SPNS3: variants seen among roughly 807,000 people sequenced by gnomAD.
The protein encoded by SPNS3 is protein spinster homolog 3.
A neutral mutation model predicts 54.4 loss-of-function variants in SPNS3; 51 were observed. That is an observed-to-expected ratio of 0.94 (90% CI 0.75 to 1.18). The LOEUF is 1.18. Ranked by LOEUF, SPNS3 falls within the 50% of genes most tolerant of loss-of-function variation. SPNS3 has a pLI of 0.00. For synonymous variants in SPNS3, 309 were observed against 294.7 expected, an observed-to-expected ratio of 1.05 and a Z score of -0.50; for missense variants, 669 against 677.4, an observed-to-expected ratio of 0.99 and a Z score of 0.14.
chr17:4,439,780 C>G, intron 2 of SPNS3, 57 bp downstream of exon 2: 2 of 1,507,470 alleles, frequency 1.3e-6, no homozygotes, highest in Non-Finnish European at 1.8e-6. Flanking sequence ...GGGGTGGGCT[C>G]TTTCTGTGGG....
chr17:4,448,327 C>T (rs751771660), intron 6 of SPNS3, 24 bp downstream of exon 6: 2 of 1,509,086 alleles, frequency 1.3e-6, no homozygotes, highest in Non-Finnish European at 1.8e-6. Flanking sequence ...CTACCCCCTG[C>T]AAGGCACAGA....
chr17:4,469,287 A>G (rs1023650128), intron 8 of SPNS3, among the ~76,000 whole-genome samples: 3 of 151,694 alleles, frequency 2.0e-5, no homozygotes, highest in Middle Eastern at 6.8e-3. Flanking sequence ...GGGTTTCACT[A>G]TGTTACCCAG....
At position 4,486,468 on chromosome 17, in the gene SPNS3, C is replaced by G; in HGVS notation, c.1335C>G (p.Ser445Arg). The change falls in exon 11 of 12, where the codon AGC becomes AGG. Residue 445 changes from serine to arginine, a missense_variant. Transcript: ENST00000355530. This position sits in a 1 kb window ranked among gnomAD's most constrained non-coding sequence, Gnocchi z 5.5. ...ACTCCTATCTGCAGCGCTTCCGCAG[C>G]CTGCAGCAGAGCTTCCTGTGCTGCG... Reference protein sequence around the residue: ...RPDSYLQRFRSLQQSFLCCAF... With the variant: ...RPDSYLQRFRRLQQSFLCCAF... 1 of 1,613,340 alleles carries G rather than the reference C, an allele frequency of 6.2e-7. No homozygotes were observed.
In SPNS3 at chr17:4,486,806, C is replaced by T. The variant is rs1352965413; in HGVS notation, c.1450+223C>T. Among the ~76,000 whole-genome samples the T allele has an allele frequency of 6.6e-6, 1 of 152,048 alleles. No homozygotes were observed. Among genetic ancestry groups the T allele is most frequent in the Non-Finnish European group, 1.5e-5 (1 of 68,014 alleles). ...TGACACTGTAGTTGGTGAAGACAGA[C>T]CAGAAACAGAAAAGGTTAAAGATAT... On this transcript the variant is annotated intron_variant, in intron 11 of 11. Transcript: ENST00000355530. The surrounding 1 kb of genome is among the most constrained non-coding windows in gnomAD (Gnocchi z 5.5).
chr17:4,461,314 A>G (rs1024543970), intron 8 of SPNS3, among the ~76,000 whole-genome samples: 8 of 103,320 alleles, frequency 7.7e-5, no homozygotes, highest in African/African-American at 1.4e-4. Context: ...GGTTTCATCA[A>G]TTTTTCTCAA....
At chr17:4,481,139 G>A (rs1242763541) in intron 9 of SPNS3, among the ~76,000 whole-genome samples, 1 of 152,004 alleles carries the variant, frequency 6.6e-6, no homozygotes, top group Non-Finnish European at 1.5e-5. Flanking sequence ...AGCTGGAGTT[G>A]GCAGAAGATC....
intron 4 of SPNS3, chr17:4,446,650 T>G: frequency 1.7e-6 from 1 of 584,178 alleles, no homozygotes. Flanking sequence ...GTGTAGGGTA[T>G]GTGTTTCCAT....
chr17:4,445,205 C>T (rs750791764), intron 3 of SPNS3, 37 bp downstream of exon 3: 8 of 1,570,740 alleles, frequency 5.1e-6, no homozygotes, highest in Non-Finnish European at 6.9e-6. Context: ...CCCTGAGGCC[C>T]CTTCCCCACC....
intron 2 of SPNS3, among the ~76,000 whole-genome samples, chr17:4,442,301 G>A (rs935537821): frequency 1.3e-5 from 2 of 149,336 alleles, no homozygotes; most frequent in African/African-American, 2.5e-5. Flanking sequence ...ACTTTGGGAG[G>A]CTGGGTGGAT....
intron 8 of SPNS3, among the ~76,000 whole-genome samples, chr17:4,475,102 T>C (rs1027964223): frequency 1.3e-5 from 2 of 151,528 alleles, no homozygotes; most frequent in African/African-American, 4.9e-5. Context: ...TGGCCGGGGA[T>C]GACTAAAGCC....
intron 8 of SPNS3, among the ~76,000 whole-genome samples, chr17:4,469,435 A>G (rs1188780846): frequency 2.0e-5 from 3 of 152,082 alleles, no homozygotes; most frequent in African/African-American, 4.8e-5. Context: ...CAATGCAAAC[A>G]TGGTGAAACC....
At chr17:4,464,498 T>C (rs4790632) in intron 8 of SPNS3, among the ~76,000 whole-genome samples, 20,539 of 152,128 alleles carry the variant, frequency 0.14, 1,709 homozygotes, top group Non-Finnish European at 0.19. Flanking sequence ...GGGAGCATGC[T>C]GTGAGCTGTC....
intron 9 of SPNS3, among the ~76,000 whole-genome samples, chr17:4,481,412 G>C (rs190178675): frequency 6.6e-6 from 1 of 152,150 alleles, no homozygotes; most frequent in South Asian, 2.1e-4. Flanking sequence ...TTCAGCAGGG[G>C]CCCAGGGAGG....
intron 8 of SPNS3, among the ~76,000 whole-genome samples, chr17:4,468,132 A>T (rs1329540019): frequency 6.6e-6 from 1 of 152,170 alleles, no homozygotes; most frequent in Non-Finnish European, 1.5e-5. Context: ...TCTGGCTGCC[A>T]CGTTGAGAAT....
chr17:4,453,644 T>TA (rs1339537830), intron 8 of SPNS3, among the ~76,000 whole-genome samples: 2 of 152,074 alleles, frequency 1.3e-5, no homozygotes, highest in Non-Finnish European at 2.9e-5. Flanking sequence ...GAGAGAAGCT[T>TA]ACCAGGAGTT....
intron 8 of SPNS3, among the ~76,000 whole-genome samples, chr17:4,464,935 C>T (rs898824683): frequency 1.3e-5 from 2 of 152,234 alleles, no homozygotes; most frequent in Non-Finnish European, 2.9e-5. Flanking sequence ...CCCGCCTCGG[C>T]CTCCCAGAGT....
At chr17:4,457,602 C>T (rs1053958900) in intron 8 of SPNS3, among the ~76,000 whole-genome samples, 4 of 152,184 alleles carry the variant, frequency 2.6e-5, no homozygotes, top group African/African-American at 9.6e-5. Context: ...GAGGCTGGGG[C>T]CCAGGCAGAT....
chr17:4,434,907 C>A (rs183176602), intron 1 of SPNS3, among the ~76,000 whole-genome samples: 1 of 149,178 alleles, frequency 6.7e-6, no homozygotes, highest in Non-Finnish European at 1.5e-5. Context: ...CAGGTTCAAG[C>A]GATTCCTATC....
chr17:4,462,730 C>CTATCA, intron 8 of SPNS3, among the ~76,000 whole-genome samples: 3 of 42,836 alleles, frequency 7.0e-5, no homozygotes, highest in Admixed American at 2.1e-4. Context: ...CCCACCCACC[C>CTATCA]ATCCACCAAT....
Sources: allele counts gnomAD v4.1 joint callset (sites outside exome capture counted in the v4.1 genomes callset), GRCh38; gene constraint gnomAD v4.1.1; non-coding constraint Gnocchi (gnomAD v3.1); transcripts MANE v1.5; gene names NCBI Gene and HGNC (gene_info 2026-07-23, HGNC 2026-07-21).